Variants in PTPRN2 observed in about 807,000 individuals in gnomAD.
PTPRN2 encodes the protein receptor-type tyrosine-protein phosphatase N2.
A neutral mutation model predicts 118.8 loss-of-function variants in PTPRN2; 74 were observed. The observed-to-expected ratio is 0.62, with a 90% CI of 0.52 to 0.76. The LOEUF is 0.76. PTPRN2 is among the 30% of genes least tolerant of loss of function. The probability of loss-of-function intolerance (pLI) is 0.00; values close to 1 mark genes in which losing one functional copy is unlikely to be tolerated. For synonymous variants in PTPRN2, 641 were observed against 608.0 expected, an observed-to-expected ratio of 1.05 and a Z score of -0.80; for missense variants, 1,481 against 1,394.4, an observed-to-expected ratio of 1.06 and a Z score of -0.99.
intron 10 of PTPRN2, among the ~76,000 whole-genome samples, chr7:158,092,373 G>C (rs1814265271): frequency 6.6e-6 from 1 of 150,474 alleles, no homozygotes; most frequent in African/African-American, 2.5e-5. Flanking sequence ...TGGATGGATG[G>C]GTAGAGAGGT....
At chr7:157,561,451 T>C (rs1799187916) in intron 21 of PTPRN2, among the ~76,000 whole-genome samples, 1 of 152,260 alleles carries the variant, frequency 6.6e-6, no homozygotes, top group Non-Finnish European at 1.5e-5. Context: ...CCTCTGTCCC[T>C]GGAGCCCTGG....
intron 12 of PTPRN2, among the ~76,000 whole-genome samples, chr7:157,759,381 C>T (rs1366646180): frequency 6.6e-6 from 1 of 152,258 alleles, no homozygotes; most frequent in Admixed American, 6.5e-5. Flanking sequence ...CCTGGATGGA[C>T]TGGCTCCTGC....
chr7:158,301,886 G>A (rs764562502), intron 3 of PTPRN2, among the ~76,000 whole-genome samples: 2 of 152,122 alleles, frequency 1.3e-5, no homozygotes, highest in Admixed American at 6.5e-5. Context: ...GGAGGCAGAG[G>A]TTGCAGTAAG....
At chr7:157,620,802 CG>C (rs1334442387) in intron 15 of PTPRN2, among the ~76,000 whole-genome samples, 1 of 152,134 alleles carries the variant, frequency 6.6e-6, no homozygotes, top group Non-Finnish European at 1.5e-5. Flanking sequence ...CTGCTGCAGG[CG>C]GGGGGTGCCG....
intron 6 of PTPRN2, among the ~76,000 whole-genome samples, chr7:158,151,867 G>A (rs1236016750): frequency 6.6e-6 from 1 of 152,194 alleles, no homozygotes; most frequent in Non-Finnish European, 1.5e-5. Flanking sequence ...AGAAGGAACA[G>A]GAAACAAATA....
chr7:158,183,342 G>A (rs1245649406), intron 5 of PTPRN2, among the ~76,000 whole-genome samples: 2 of 152,210 alleles, frequency 1.3e-5, no homozygotes, highest in Non-Finnish European at 1.5e-5. Flanking sequence ...GACAGGAAGT[G>A]TGGCTTTCAG....
At chr7:157,844,087 T>C (rs1808626091) in intron 12 of PTPRN2, among the ~76,000 whole-genome samples, 1 of 151,246 alleles carries the variant, frequency 6.6e-6, no homozygotes, top group African/African-American at 2.4e-5. Context: ...GTCGTGGATG[T>C]GGAACGCAGG....
At chr7:158,337,406 C>CACTCGCA (rs1805852539) in intron 2 of PTPRN2, among the ~76,000 whole-genome samples, 3 of 143,176 alleles carry the variant, frequency 2.1e-5, no homozygotes, top group African/African-American at 7.8e-5. Flanking sequence ...CTGCAGACGT[C>CACTCGCA]CCTCACACCC....
At chr7:158,113,052 C>A (rs1408714223) in intron 9 of PTPRN2, among the ~76,000 whole-genome samples, 1 of 151,396 alleles carries the variant, frequency 6.6e-6, no homozygotes, top group South Asian at 2.1e-4. Flanking sequence ...GCATTGAGGG[C>A]CCCCCAACAT....
intron 12 of PTPRN2, among the ~76,000 whole-genome samples, chr7:157,835,964 C>G (rs1013423229): frequency 2.6e-5 from 4 of 152,204 alleles, no homozygotes. Flanking sequence ...GACAGTACAA[C>G]AAGCAACGTT....
chr7:158,254,751 C>T (rs568619480), intron 3 of PTPRN2, among the ~76,000 whole-genome samples: 3 of 152,356 alleles, frequency 2.0e-5, no homozygotes, highest in African/African-American at 7.2e-5. Context: ...TCCCTCTCTG[C>T]GTTCAGGAGC....
In PTPRN2 at chr7:157,987,308, G is replaced by A. The variant is rs567620563; in HGVS notation, c.1724-88571C>T. 6.6e-6 allele frequency among the ~76,000 whole-genome samples: 1 copy of A among 151,066 alleles called. No individual in the cohort carries two copies. Among genetic ancestry groups the A allele is most frequent in the East Asian group, 2.0e-4 (1 of 5,120 alleles). Reference sequence around the variant, plus strand: ...GGCAAGATGACCGGTCACTAAAGGGGGCGAGGTTACCAGTCACTAAAGGGA... The same window carrying A: ...GGCAAGATGACCGGTCACTAAAGGGAGCGAGGTTACCAGTCACTAAAGGGA... On this transcript the variant is annotated intron_variant, in intron 11 of 22. Transcript: ENST00000389418. The surrounding 1 kb of genome is among the most constrained non-coding windows in gnomAD (Gnocchi z 4.3).
At chr7:158,554,400 T>C (rs1424242556) in intron 1 of PTPRN2, among the ~76,000 whole-genome samples, 1 of 152,186 alleles carries the variant, frequency 6.6e-6, no homozygotes, top group Non-Finnish European at 1.5e-5. Context: ...ACCAGTATGG[T>C]AAAGAGGGTA....
chr7:158,296,084 G>A (rs1192119178), intron 3 of PTPRN2, among the ~76,000 whole-genome samples: 2 of 152,184 alleles, frequency 1.3e-5, no homozygotes, highest in African/African-American at 4.8e-5. Flanking sequence ...TTTCCCATGG[G>A]CCTAGGCGAG....
chr7:157,557,075 TAC>T (rs149151757), intron 21 of PTPRN2, among the ~76,000 whole-genome samples: 181 of 144,974 alleles, frequency 1.2e-3, no homozygotes, highest in African/African-American at 3.4e-3. Context: ...GTATCATACA[TAC>T]ACACACACAC....
At position 157,539,185 on chromosome 7, in the gene PTPRN2, T is replaced by G. The variant is rs1414731619; in HGVS notation, c.*1529A>C. ...GCTTCCTATATTCAGATAAATTCATTTCGATTAATTAAATTCCAGATAGAG... is the reference window on the plus strand; with the variant it reads ...GCTTCCTATATTCAGATAAATTCATGTCGATTAATTAAATTCCAGATAGAG... On this transcript the variant is annotated 3_prime_UTR_variant, in exon 23 of 23. Transcript: ENST00000389418. 1.3e-5 allele frequency: 2 copies of G among 152,224 alleles called. No individual in the cohort carries two copies. Among genetic ancestry groups the G allele is most frequent in the East Asian group, 3.8e-4 (2 of 5,202 alleles). The allele number at this position is 152,224 out of a possible 1,614,324, so 9.4% of individuals were successfully genotyped here. A position where few individuals can be genotyped will look rare whatever the true frequency, so the allele number is the denominator to read the frequency against.
At chr7:158,559,233 C>T (rs904585719) in intron 1 of PTPRN2, among the ~76,000 whole-genome samples, 2 of 152,176 alleles carry the variant, frequency 1.3e-5, no homozygotes, top group East Asian at 3.8e-4. Context: ...TTCTATTGCT[C>T]TCATTACACA....
chr7:157,544,129 GCGGAGAGAGGCGGAGAGAGA>G (rs1563198814), intron 22 of PTPRN2, among the ~76,000 whole-genome samples: 4 of 147,922 alleles, frequency 2.7e-5, no homozygotes, highest in Non-Finnish European at 6.0e-5. Context: ...ATGGAGAGAG[GCGGAGAGAGGCGGAGAGAGA>G]CGGAGAGAGG....
chr7:157,562,933 C>T (rs1391644668), intron 21 of PTPRN2, among the ~76,000 whole-genome samples: 1 of 137,394 alleles, frequency 7.3e-6, no homozygotes, highest in Non-Finnish European at 1.6e-5. Flanking sequence ...GGACCACGTG[C>T]TCCCACATCA....
Sources: gnomAD v4.1 joint callset for allele counts (sites outside exome capture counted in the v4.1 genomes callset) on GRCh38, gnomAD v4.1.1 for gene constraint, Gnocchi (gnomAD v3.1) non-coding constraint, MANE v1.5 for transcripts, NCBI Gene and HGNC (gene_info 2026-07-23, HGNC 2026-07-21) for gene names.